Variants in TMTC2 observed in about 807,000 individuals in gnomAD.
The protein encoded by TMTC2 is protein O-mannosyl-transferase TMTC2.
Under a neutral mutation model 82.4 loss-of-function variants are expected in TMTC2, and 43 were observed. The ratio of observed to expected loss-of-function variants is 0.52; its 90% CI spans 0.41 to 0.67. TMTC2 has a LOEUF of 0.67. Ranked by LOEUF, TMTC2 falls within the 30% of genes least tolerant of loss-of-function variation. The pLI is 0.00. For synonymous variants in TMTC2, 408 were observed against 381.9 expected, an observed-to-expected ratio of 1.07 and a Z score of -0.80; for missense variants, 919 against 1,012.4, an observed-to-expected ratio of 0.91 and a Z score of 1.25.
intron 3 of TMTC2, among the ~76,000 whole-genome samples, chr12:82,902,241 CCCAAAA>C (rs79873640): frequency 0.094 from 14,374 of 152,150 alleles, 814 homozygotes; most frequent in Non-Finnish European, 0.13. Flanking sequence ...AAGGAAAACC[CCCAAAA>C]GTTTGGGAGT....
intron 2 of TMTC2, among the ~76,000 whole-genome samples, chr12:82,881,862 T>G (rs1187356907): frequency 6.6e-6 from 1 of 152,194 alleles, no homozygotes; most frequent in East Asian, 1.9e-4. Flanking sequence ...ACTATTTTAC[T>G]TTTCAAGAAG....
chr12:82,863,480 A>G (rs1026109391), intron 2 of TMTC2, among the ~76,000 whole-genome samples: 1 of 152,212 alleles, frequency 6.6e-6, no homozygotes, highest in Admixed American at 6.6e-5. Flanking sequence ...AACAGCTGCC[A>G]ACACTGCTAA....
At chr12:83,000,544 G>A (rs2082648) in intron 8 of TMTC2, among the ~76,000 whole-genome samples, 8 of 152,210 alleles carry the variant, frequency 5.3e-5, no homozygotes, top group South Asian at 4.1e-4. Flanking sequence ...AGCTCCACCC[G>A]TGTGACTGCA....
At chr12:82,823,514 A>G (rs1010851590) in intron 1 of TMTC2, among the ~76,000 whole-genome samples, 4 of 152,210 alleles carry the variant, frequency 2.6e-5, no homozygotes, top group Admixed American at 1.3e-4. Flanking sequence ...CTAATTTGCT[A>G]TGGAATTAAA....
chr12:82,843,882 A>T (rs1350780904), intron 1 of TMTC2, among the ~76,000 whole-genome samples: 2 of 152,162 alleles, frequency 1.3e-5, no homozygotes, highest in East Asian at 3.9e-4. Context: ...CAGGAGGCGG[A>T]GGATGCAGTG....
chr12:82,936,741 A>T (rs565631976), intron 4 of TMTC2, among the ~76,000 whole-genome samples: 1 of 152,312 alleles, frequency 6.6e-6, no homozygotes. Flanking sequence ...ATATCATAAT[A>T]AATATCTGTC....
chr12:83,067,406 T>C (rs1163000803), intron 11 of TMTC2, among the ~76,000 whole-genome samples: 1 of 151,990 alleles, frequency 6.6e-6, no homozygotes, highest in African/African-American at 2.4e-5. Context: ...AATGTGTGTG[T>C]GCATGTGAAT....
chr12:83,049,428 C>T (rs1882264206), intron 9 of TMTC2, among the ~76,000 whole-genome samples: 1 of 152,096 alleles, frequency 6.6e-6, no homozygotes, highest in South Asian at 2.1e-4. Flanking sequence ...GTTTTCTGTT[C>T]CTGTGTTAGT....
intron 4 of TMTC2, among the ~76,000 whole-genome samples, chr12:82,958,270 G>A (rs569542573): frequency 2.0e-5 from 3 of 147,468 alleles, no homozygotes; most frequent in Admixed American, 6.9e-5. Context: ...CAGGAGAATC[G>A]CTTGAGCCTG....
chr12:82,936,286 G>A (rs1016826687), intron 4 of TMTC2, among the ~76,000 whole-genome samples: 1 of 151,956 alleles, frequency 6.6e-6, no homozygotes, highest in Non-Finnish European at 1.5e-5. Flanking sequence ...TCAAATCTTC[G>A]ATGAAGTGAT....
intron 1 of TMTC2, among the ~76,000 whole-genome samples, chr12:82,765,856 A>T (rs1409471949): frequency 1.3e-5 from 2 of 152,168 alleles, no homozygotes; most frequent in Admixed American, 1.3e-4. Flanking sequence ...AAAAGATAAT[A>T]CTTTTTAAAA....
chr12:82,719,671 CTT>C (rs202235180), intron 1 of TMTC2, among the ~76,000 whole-genome samples: 14 of 128,132 alleles, frequency 1.1e-4, no homozygotes, highest in East Asian at 4.6e-4. Context: ...GTCTCTCTGT[CTT>C]TTTTTTTTTT....
At chr12:83,099,567 C>T (rs779706428) in intron 11 of TMTC2, among the ~76,000 whole-genome samples, 5 of 152,024 alleles carry the variant, frequency 3.3e-5, no homozygotes, top group African/African-American at 1.2e-4. Flanking sequence ...ATTTCAGTTT[C>T]GTGCTTAAGA....
At chr12:83,014,160 T>C (rs565411309) in intron 8 of TMTC2, among the ~76,000 whole-genome samples, 1 of 152,250 alleles carries the variant, frequency 6.6e-6, no homozygotes, top group South Asian at 2.1e-4. Context: ...TATTTTTTTA[T>C]TTTGTTTTAT....
At chr12:82,849,036 G>A (rs1870833506) in intron 1 of TMTC2, among the ~76,000 whole-genome samples, 1 of 152,094 alleles carries the variant, frequency 6.6e-6, no homozygotes, top group African/African-American at 2.4e-5. Context: ...GATTGGCCTT[G>A]AGGTCATCAA....
chr12:83,023,058 T>C (rs974732492), intron 8 of TMTC2, among the ~76,000 whole-genome samples: 1 of 152,208 alleles, frequency 6.6e-6, no homozygotes, highest in African/African-American at 2.4e-5. Flanking sequence ...AGAAATAGAA[T>C]CAGTTGGCTA....
At chr12:83,035,251 GT>G (rs1881614393) in intron 9 of TMTC2, among the ~76,000 whole-genome samples, 1 of 152,150 alleles carries the variant, frequency 6.6e-6, no homozygotes, top group African/African-American at 2.4e-5. Context: ...AGTTACTTGT[GT>G]TTTTGTATCC....
chr12:83,014,871 T>C (rs543769996), intron 8 of TMTC2, among the ~76,000 whole-genome samples: 14 of 152,344 alleles, frequency 9.2e-5, no homozygotes, highest in African/African-American at 3.4e-4. Context: ...GAGCACTTAC[T>C]CTGTAACATG....
intron 8 of TMTC2, among the ~76,000 whole-genome samples, chr12:82,991,698 T>C (rs889950105): frequency 6.6e-6 from 1 of 152,214 alleles, no homozygotes; most frequent in African/African-American, 2.4e-5. Flanking sequence ...AAATTGTGAT[T>C]TATTCCTTGT....
Sources: allele counts gnomAD v4.1 joint callset (sites outside exome capture counted in the v4.1 genomes callset), GRCh38; gene constraint gnomAD v4.1.1; transcripts MANE v1.5; gene names NCBI Gene and HGNC (gene_info 2026-07-23, HGNC 2026-07-21).